PCGF5: variants seen among roughly 807,000 people sequenced by gnomAD.
The protein encoded by PCGF5 is polycomb group RING finger protein 5.
PCGF5 carries 9 observed loss-of-function variants against 44.3 expected under a neutral mutation model. The observed-to-expected ratio is 0.20, with a 90% CI of 0.12 to 0.35. The LOEUF is 0.35. Among genes scored for constraint, PCGF5 ranks in the 10% least tolerant of loss-of-function variants. The pLI, the probability that PCGF5 is intolerant of heterozygous loss-of-function variation, is 1.00. For synonymous variants in PCGF5, 95 were observed against 102.5 expected (o/e 0.93, Z 0.44); for missense variants, 146 against 305.3 (o/e 0.48, Z 3.89).
At chr10:91,253,488 AACTTG>A (rs1845670095) in intron 6 of PCGF5, among the ~76,000 whole-genome samples, 1 of 152,056 alleles carries the variant, frequency 6.6e-6, no homozygotes, top group African/African-American at 2.4e-5. Context: ...TAACACCGGA[AACTTG>A]ACTTGTCTAA....
upstream of PCGF5, among the ~76,000 whole-genome samples, chr10:91,216,627 T>C (rs1194256013): frequency 2.0e-5 from 3 of 152,110 alleles, no homozygotes; most frequent in Non-Finnish European, 4.4e-5. Flanking sequence ...AAGAGTTCAT[T>C]GAGTGATAGA....
At position 91,261,327 on chromosome 10, in the gene PCGF5, G is replaced by A. The variant is rs1845903200; in HGVS notation, c.476G>A (p.Gly159Asp). The change falls in exon 7 of 10, where the codon GGT becomes GAT. Residue 159 changes from glycine (G) to aspartate (D), a missense_variant and splice_region_variant. Around this residue, in one of 3 missense-constraint regions of PCGF5, gnomAD observed 123 missense variants for 268.6 expected, o/e 0.46. Transcript: ENST00000336126. Reference sequence around the variant, plus strand: ...ACTGGTAATCTTTATTTCCTTTAGGGTTTAATGAAGAAATTCATTCGATGT... The same window carrying A: ...ACTGGTAATCTTTATTTCCTTTAGGATTTAATGAAGAAATTCATTCGATGT... ...NGQSGDNVVKGLMKKFIRCST... is the reference protein window; with the variant it reads ...NGQSGDNVVKDLMKKFIRCST... The A allele has an allele frequency of 2.0e-6, 3 of 1,497,672 alleles. No homozygotes were observed. Among genetic ancestry groups the A allele is most frequent in the Non-Finnish European group, 2.7e-6 (3 of 1,111,854 alleles). 92.8% of individuals were successfully genotyped at this position (1,497,672 alleles called of 1,614,324 possible).
intron 2 of PCGF5, among the ~76,000 whole-genome samples, chr10:91,238,609 T>TTC (rs1564645019): frequency 1.9e-5 from 2 of 105,394 alleles, no homozygotes; most frequent in Non-Finnish European, 3.7e-5. Context: ...TTCTTTTTTT[T>TTC]TTTTTTTTTT....
intron 1 of PCGF5, among the ~76,000 whole-genome samples, chr10:91,189,606 C>T (rs1004339233): frequency 6.6e-6 from 1 of 152,152 alleles, no homozygotes; most frequent in Middle Eastern, 3.2e-3. Flanking sequence ...TCCATATATA[C>T]ATACATATCT....
chr10:91,236,475 GT>G (rs1259459487), intron 2 of PCGF5, among the ~76,000 whole-genome samples: 1 of 152,208 alleles, frequency 6.6e-6, no homozygotes, highest in African/African-American at 2.4e-5. Context: ...TATAGAATCT[GT>G]GTGGAGTAGC....
At chr10:91,186,657 G>A (rs1843932453) in intron 1 of PCGF5, among the ~76,000 whole-genome samples, 1 of 151,710 alleles carries the variant, frequency 6.6e-6, no homozygotes, top group African/African-American at 2.4e-5. Context: ...AAGTTACAAA[G>A]TTTCTTTTGT....
intron 2 of PCGF5, among the ~76,000 whole-genome samples, chr10:91,239,895 A>G (rs919643627): frequency 2.0e-5 from 3 of 152,042 alleles, no homozygotes; most frequent in Non-Finnish European, 4.4e-5. Flanking sequence ...TTTACCTCTC[A>G]TGCCTTTGTC....
intron 9 of PCGF5, among the ~76,000 whole-genome samples, chr10:91,277,469 T>G (rs910831724): frequency 6.6e-6 from 1 of 152,230 alleles, no homozygotes; most frequent in African/African-American, 2.4e-5. Flanking sequence ...CTATAAGATA[T>G]GGTACAGGGT....
intron 1 of PCGF5, among the ~76,000 whole-genome samples, chr10:91,177,113 T>C (rs1028288421): frequency 2.0e-5 from 3 of 152,252 alleles, no homozygotes; most frequent in Non-Finnish European, 2.9e-5. Context: ...TTTGTTAGTT[T>C]TCCTTCTAAC....
At chr10:91,186,225 T>C (rs1843920960) in intron 1 of PCGF5, among the ~76,000 whole-genome samples, 2 of 152,184 alleles carry the variant, frequency 1.3e-5, no homozygotes. Context: ...TTATTTGATC[T>C]CACCTGGATT....
chr10:91,253,487 A>C (rs1845670027), intron 6 of PCGF5, among the ~76,000 whole-genome samples: 1 of 152,030 alleles, frequency 6.6e-6, no homozygotes, highest in South Asian at 2.1e-4. Flanking sequence ...CTAACACCGG[A>C]AACTTGACTT....
chr10:91,162,591 G>A (rs1160873737), upstream of PCGF5, among the ~76,000 whole-genome samples: 7 of 152,030 alleles, frequency 4.6e-5, no homozygotes, highest in Non-Finnish European at 1.0e-4. Context: ...ACAGGTGGGA[G>A]ACTGCGAGCC....
chr10:91,174,107 C>G (rs1291854676), intron 1 of PCGF5, among the ~76,000 whole-genome samples: 1 of 150,074 alleles, frequency 6.7e-6, no homozygotes, highest in Non-Finnish European at 1.5e-5. Flanking sequence ...TACAGTGGCC[C>G]AAGTTACTAC....
chr10:91,176,832 T>C (rs189378683), intron 1 of PCGF5, among the ~76,000 whole-genome samples: 4 of 152,346 alleles, frequency 2.6e-5, no homozygotes, highest in African/African-American at 9.6e-5. Context: ...GGTTTTTAAC[T>C]TCTTTGCCAT....
At chr10:91,193,062 A>G (rs1371291422) in intron 1 of PCGF5, among the ~76,000 whole-genome samples, 4 of 152,170 alleles carry the variant, frequency 2.6e-5, no homozygotes, top group Admixed American at 2.6e-4. Flanking sequence ...CACAGTTGGA[A>G]TGATCCAAAA....
At chr10:91,213,741 T>A (rs1187872614) in intron 1 of PCGF5, among the ~76,000 whole-genome samples, 2 of 151,768 alleles carry the variant, frequency 1.3e-5, no homozygotes, top group African/African-American at 4.8e-5. Flanking sequence ...CACCTCGGCC[T>A]CCCAAAGTAC....
the PCGF5 span, among the ~76,000 whole-genome samples, chr10:91,157,909 T>C: frequency 1.3e-5 from 2 of 152,210 alleles, no homozygotes; most frequent in African/African-American, 4.8e-5. Flanking sequence ...AGGAAGCATG[T>C]AAATGAATTA....
At chr10:91,198,771 G>A (rs898101068) in intron 1 of PCGF5, among the ~76,000 whole-genome samples, 8 of 152,156 alleles carry the variant, frequency 5.3e-5, no homozygotes, top group Non-Finnish European at 8.8e-5. Flanking sequence ...GTCATACCAC[G>A]GGGCAGTACC....
At chr10:91,251,462 T>A (rs1401305042) in intron 6 of PCGF5, 22 bp downstream of exon 6, 1 of 1,602,470 alleles carries the variant, frequency 6.2e-7, no homozygotes. Context: ...AGTACTATGG[T>A]ATTTTTATGA....
Sources: allele counts gnomAD v4.1 joint callset (sites outside exome capture counted in the v4.1 genomes callset), GRCh38; gene constraint gnomAD v4.1.1; regional missense constraint gnomAD v4.1.1; transcripts MANE v1.5; gene names NCBI Gene and HGNC (gene_info 2026-07-23, HGNC 2026-07-21).